The following FGF14 variants were observed in gnomAD, a reference collection of about 807,000 sequenced individuals.
FGF14 encodes the protein fibroblast growth factor 14, also known as fibroblast growth factor homologous factor 4.
Under a neutral mutation model 25.5 loss-of-function variants are expected in FGF14, and 5 were observed. The ratio of observed to expected loss-of-function variants is 0.20; its 90% CI spans 0.10 to 0.41. The LOEUF (loss-of-function observed/expected upper bound fraction) is 0.41, where lower values mean the gene tolerates loss of function less well. FGF14 is among the 10% of genes least tolerant of loss of function. FGF14 has a pLI of 1.00. For synonymous variants in FGF14, 138 were observed against 118.3 expected, an observed-to-expected ratio of 1.17 and a Z score of -1.08; for missense variants, 222 against 320.1, an observed-to-expected ratio of 0.69 and a Z score of 2.34.
chr13:102,094,648 T>C (rs1028465658), intron 1 of FGF14, among the ~76,000 whole-genome samples: 1 of 152,150 alleles, frequency 6.6e-6, no homozygotes, highest in South Asian at 2.1e-4. Flanking sequence ...TTTATACAGC[T>C]GCTAACTCCC....
chr13:101,744,801 A>G (rs2036780060), intron 3 of FGF14, among the ~76,000 whole-genome samples: 1 of 152,058 alleles, frequency 6.6e-6, no homozygotes, highest in Admixed American at 6.6e-5. Flanking sequence ...TTATTAACAC[A>G]TGCGTGTATG....
chr13:101,984,739 G>A (rs2038466831), intron 1 of FGF14, among the ~76,000 whole-genome samples: 1 of 152,030 alleles, frequency 6.6e-6, no homozygotes, highest in Admixed American at 6.6e-5. Flanking sequence ...TACATGAAGT[G>A]AAAAACAAAT....
At chr13:102,302,059 G>C (rs1404596363) in intron 1 of FGF14, among the ~76,000 whole-genome samples, 1 of 152,070 alleles carries the variant, frequency 6.6e-6, no homozygotes, top group Non-Finnish European at 1.5e-5. Context: ...CTGTATCCCA[G>C]ATCCTTCCTC....
chr13:101,848,998 T>C lies in FGF14; in HGVS notation c.408+19727A>G, dbSNP rs185305479. ...TTGGACTTGTATTTTTCTTTTACTT[T>C]CTCGCTCATTTTTTGTATCTTCTGA... On this transcript the variant is annotated intron_variant, in intron 3 of 4. Transcript: ENST00000376143. Among the ~76,000 whole-genome samples the C allele has an allele frequency of 6.7e-3, 1,020 of 152,248 alleles. 9 individuals carry two copies. The highest frequency in any genetic ancestry group is 0.017 in the South Asian group (84 of 4,826).
intron 1 of FGF14, among the ~76,000 whole-genome samples, chr13:102,322,661 T>C (rs556183631): frequency 3.9e-5 from 6 of 152,238 alleles, no homozygotes; most frequent in African/African-American, 7.2e-5. Context: ...ATTATCATCA[T>C]TGACTTGGCA....
intron 1 of FGF14, among the ~76,000 whole-genome samples, chr13:101,953,508 C>T (rs1358741150): frequency 6.6e-6 from 1 of 150,948 alleles, no homozygotes; most frequent in Non-Finnish European, 1.5e-5. Context: ...CTTTCTACTG[C>T]TTGAAATGTT....
At chr13:101,887,355 C>T (rs1010101219) in intron 1 of FGF14, among the ~76,000 whole-genome samples, 2 of 150,948 alleles carry the variant, frequency 1.3e-5, no homozygotes, top group African/African-American at 2.4e-5. Context: ...TACACACACA[C>T]ACACATACAC....
At chr13:102,386,455 T>C (rs974083632) in intron 1 of FGF14, among the ~76,000 whole-genome samples, 4 of 152,188 alleles carry the variant, frequency 2.6e-5, no homozygotes, top group African/African-American at 9.7e-5. Flanking sequence ...TTAAAAGTAT[T>C]TCTACCAATT....
intron 1 of FGF14, among the ~76,000 whole-genome samples, chr13:101,983,656 T>C (rs912433676): frequency 6.6e-5 from 10 of 152,180 alleles, no homozygotes; most frequent in African/African-American, 2.4e-4. Context: ...TTGGAATACT[T>C]TATGAAATGA....
At chr13:102,344,188 A>G (rs982903529) in intron 1 of FGF14, among the ~76,000 whole-genome samples, 1 of 152,200 alleles carries the variant, frequency 6.6e-6, no homozygotes, top group Admixed American at 6.5e-5. Flanking sequence ...ATTACCTCAC[A>G]CCTATTAAAA....
intron 1 of FGF14, among the ~76,000 whole-genome samples, chr13:102,120,505 T>C (rs990591552): frequency 1.3e-5 from 2 of 152,110 alleles, no homozygotes; most frequent in African/African-American, 4.8e-5. Flanking sequence ...ACTACCAGTG[T>C]TTTCACTAGA....
chr13:102,097,872 A>G (rs1267909389), intron 1 of FGF14, among the ~76,000 whole-genome samples: 1 of 152,194 alleles, frequency 6.6e-6, no homozygotes, highest in African/African-American at 2.4e-5. Flanking sequence ...GATATCTGTG[A>G]GAGCACATGG....
chr13:102,131,037 C>T (rs1406266525), intron 1 of FGF14, among the ~76,000 whole-genome samples: 2 of 152,192 alleles, frequency 1.3e-5, no homozygotes, highest in Non-Finnish European at 2.9e-5. Context: ...GGACAGTCAA[C>T]ACACCTAAAG....
chr13:101,803,438 G>C (rs1462716863), intron 3 of FGF14, among the ~76,000 whole-genome samples: 5 of 152,074 alleles, frequency 3.3e-5, no homozygotes, highest in African/African-American at 1.2e-4. Flanking sequence ...CTGAAACTTT[G>C]GTCTTAAACA....
intron 1 of FGF14, among the ~76,000 whole-genome samples, chr13:102,283,038 G>T (rs994335144): frequency 2.0e-5 from 3 of 152,296 alleles, no homozygotes; most frequent in African/African-American, 7.2e-5. Context: ...CCCAAAGCTT[G>T]TATGGTGGTT....
At chr13:102,282,306 T>C (rs1252737558) in intron 1 of FGF14, among the ~76,000 whole-genome samples, 1 of 152,112 alleles carries the variant, frequency 6.6e-6, no homozygotes, top group African/African-American at 2.4e-5. Flanking sequence ...CCTCAGGTGA[T>C]CCGCCCACCT....
chr13:102,161,791 A>C (rs1267214771), intron 1 of FGF14, among the ~76,000 whole-genome samples: 1 of 151,880 alleles, frequency 6.6e-6, no homozygotes, highest in African/African-American at 2.4e-5. Context: ...TGCTTAATTC[A>C]TCATTGCGTT....
intron 1 of FGF14, among the ~76,000 whole-genome samples, chr13:101,927,269 T>C (rs550015029): frequency 6.6e-6 from 1 of 152,220 alleles, no homozygotes; most frequent in South Asian, 2.1e-4. Context: ...ATACATAAAA[T>C]ATTTGAAAGC....
intron 1 of FGF14, among the ~76,000 whole-genome samples, chr13:101,940,575 T>A (rs572495087): frequency 6.6e-6 from 1 of 152,354 alleles, no homozygotes; most frequent in South Asian, 2.1e-4. Context: ...TTCAGGTTTC[T>A]ACTCCATATC....
Sources: allele counts gnomAD v4.1 joint callset (sites outside exome capture counted in the v4.1 genomes callset), GRCh38; gene constraint gnomAD v4.1.1; transcripts MANE v1.5; gene names NCBI Gene and HGNC (gene_info 2026-07-23, HGNC 2026-07-21).